The following PAG1 variants were observed in gnomAD, a reference collection of about 807,000 sequenced individuals.
The protein encoded by PAG1 is phosphoprotein membrane anchor with glycosphingolipid microdomains 1.
Under a neutral mutation model 31.7 loss-of-function variants are expected in PAG1, and 23 were observed. The ratio of observed to expected loss-of-function variants is 0.73; its 90% CI spans 0.52 to 1.03. The LOEUF is 1.03. PAG1 is among the 50% of genes least tolerant of loss of function. The pLI is 0.00. For synonymous variants in PAG1, 214 were observed against 210.3 expected (o/e 1.02, Z -0.15); for missense variants, 473 against 540.7 (o/e 0.87, Z 1.24).
At chr8:80,992,194 G>A (rs988497973) in intron 4 of PAG1, among the ~76,000 whole-genome samples, 1 of 152,220 alleles carries the variant, frequency 6.6e-6, no homozygotes, top group Non-Finnish European at 1.5e-5. Context: ...CGGCCTCTTT[G>A]TTCATCTTCC....
chr8:81,087,292 G>C lies in PAG1; in HGVS notation c.-233-17122C>G, dbSNP rs942821187. 2.8e-5 allele frequency among the ~76,000 whole-genome samples: 4 copies of C among 143,846 alleles called. No homozygotes were observed. The East Asian group carries it at 6.1e-4, about 22-fold the overall frequency. 94.4% of individuals were successfully genotyped at this position (143,846 alleles called of 152,430 possible). On this transcript the variant is annotated intron_variant, in intron 1 of 8. Transcript: ENST00000220597. ...CAGGAGGTGGAGGTTGCAGTGAGCC[G>C]AGATCACACCATTGCACTTTAGCCT... is the stretch of plus-strand genomic sequence containing the variant.
chr8:80,991,535 A>C lies in PAG1; in HGVS notation c.126-5T>G, dbSNP rs201435486. The C allele has an allele frequency of 5.6e-6, 9 of 1,610,650 alleles. No homozygotes were observed. The highest frequency in any genetic ancestry group is 7.6e-6 in the Non-Finnish European group (9 of 1,176,940). ...TGCTGTCGCGGCTTCTTTTCCCTGA[A>C]ATGAAAAGTGAAATGTTGTAATGTC... is the stretch of plus-strand genomic sequence containing the variant. On this transcript the variant is annotated splice_polypyrimidine_tract_variant and splice_region_variant and intron_variant, in intron 4 of 8. Coordinates refer to ENST00000220597, the MANE Select transcript of PAG1 (RefSeq NM_018440.4).
chr8:80,987,357 T>C lies in PAG1; in HGVS notation c.274+13A>G. The C allele has an allele frequency of 6.4e-7, 1 of 1,566,876 alleles. No homozygotes were observed. Among genetic ancestry groups the C allele is most frequent in the South Asian group, 1.1e-5 (1 of 90,098 alleles). ...AGGCCTGTGTGGAAAGCTGGTGTTT[T>C]TGCAGAACTTACTGTCCCCATTGGT... On this transcript the variant is annotated intron_variant, in intron 6 of 8. Coordinates refer to ENST00000220597, the MANE Select transcript of PAG1 (RefSeq NM_018440.4).
At chr8:80,998,840 T>C (rs1310104575) in intron 3 of PAG1, among the ~76,000 whole-genome samples, 1 of 152,178 alleles carries the variant, frequency 6.6e-6, no homozygotes, top group Non-Finnish European at 1.5e-5. Context: ...TGACACATAA[T>C]TAAACATGAT....
In PAG1 at chr8:80,985,313, C is replaced by T. The variant is rs375929069; in HGVS notation, c.339G>A (p.Ser113=). The change falls in exon 7 of 9, where the codon TCG becomes TCA. Residue 113 remains serine (S), a synonymous_variant. Coordinates refer to ENST00000220597, the MANE Select transcript of PAG1 (RefSeq NM_018440.4). ...TGCTGTCCTGGGAATCCAGCAGATCCGAGGCCGATGTCTGGACTTCCTCGT... is the reference window on the plus strand; with the variant it reads ...TGCTGTCCTGGGAATCCAGCAGATCTGAGGCCGATGTCTGGACTTCCTCGT... ...QHYEEVQTSA[S]DLLDSQDSTG... The T allele has an allele frequency of 2.6e-5, 42 of 1,614,088 alleles. No homozygotes were observed. The highest frequency in any genetic ancestry group is 1.6e-4 in the Middle Eastern group (1 of 6,062).
chr8:81,042,375 A>G (rs912020994), intron 2 of PAG1, among the ~76,000 whole-genome samples: 3 of 152,326 alleles, frequency 2.0e-5, no homozygotes, highest in African/African-American at 7.2e-5. Context: ...TAGGCATATA[A>G]AAGCTGATTT....
chr8:81,053,564 T>C (rs913871137), intron 2 of PAG1, among the ~76,000 whole-genome samples: 28 of 152,196 alleles, frequency 1.8e-4, no homozygotes, highest in African/African-American at 5.8e-4. Flanking sequence ...TGATCAGCAT[T>C]GGTTACTTAA....
At chr8:81,076,886 T>C (rs564036256) in intron 1 of PAG1, among the ~76,000 whole-genome samples, 65 of 152,344 alleles carry the variant, frequency 4.3e-4, no homozygotes, top group African/African-American at 1.5e-3. Context: ...CAAATATACT[T>C]TTGTAAAGCA....
At chr8:81,027,626 C>T (rs1170301960) in intron 3 of PAG1, among the ~76,000 whole-genome samples, 36 of 152,042 alleles carry the variant, frequency 2.4e-4, no homozygotes, top group Admixed American at 2.0e-3. Flanking sequence ...GGCCAAGAGG[C>T]CGGGCGCGGT....
rs139705819 is a variant in PAG1 at position 81,102,490 on chromosome 8, G to A, written c.-234+9101C>T. ...AATTGAGATTTAGGGATAAGCATTAGCACCAGCATTTTGCTACTTGCTAGA... is the reference window on the plus strand; with the variant it reads ...AATTGAGATTTAGGGATAAGCATTAACACCAGCATTTTGCTACTTGCTAGA... On this transcript the variant is annotated intron_variant, in intron 1 of 8. Transcript: ENST00000220597. Among the ~76,000 whole-genome samples the A allele has an allele frequency of 9.9e-4, 151 of 152,174 alleles. 2 individuals carry two copies. The highest frequency in any genetic ancestry group is 3.5e-3 in the African/African-American group (146 of 41,516).
chr8:81,032,989 T>G (rs901399331), intron 2 of PAG1, among the ~76,000 whole-genome samples: 4 of 152,192 alleles, frequency 2.6e-5, no homozygotes, highest in African/African-American at 9.7e-5. Context: ...TGATCCTGTT[T>G]ATAAGAAATG....
chr8:81,072,010 T>C (rs1284745673), intron 1 of PAG1, among the ~76,000 whole-genome samples: 1 of 152,164 alleles, frequency 6.6e-6, no homozygotes, highest in African/African-American at 2.4e-5. Flanking sequence ...TTAACCAGTA[T>C]AGAAGAGAGA....
intron 2 of PAG1, among the ~76,000 whole-genome samples, chr8:81,056,762 C>G (rs1313604500): frequency 1.3e-5 from 2 of 152,120 alleles, no homozygotes; most frequent in Admixed American, 6.5e-5. Context: ...GCAAAAGAAA[C>G]TACCATCACA....
At chr8:81,033,311 C>T (rs983856265) in intron 2 of PAG1, among the ~76,000 whole-genome samples, 1 of 152,180 alleles carries the variant, frequency 6.6e-6, no homozygotes, top group Non-Finnish European at 1.5e-5. Context: ...ACTATCATGC[C>T]CTGACTGGGA....
intron 2 of PAG1, among the ~76,000 whole-genome samples, chr8:81,056,108 T>C (rs1204103620): frequency 6.6e-6 from 1 of 152,176 alleles, no homozygotes; most frequent in African/African-American, 2.4e-5. Flanking sequence ...CATAAATAGC[T>C]CTTATTATTT....
At chr8:80,991,905 T>C (rs1016383510) in intron 4 of PAG1, among the ~76,000 whole-genome samples, 2 of 151,684 alleles carry the variant, frequency 1.3e-5, no homozygotes, top group Admixed American at 6.6e-5. Flanking sequence ...TCTGAGTCTC[T>C]GCAAAGTCAC....
intron 8 of PAG1, among the ~76,000 whole-genome samples, chr8:80,979,047 T>TTACATAAATACATAACATTACA (rs1475628072): frequency 2.0e-5 from 3 of 152,222 alleles, no homozygotes; most frequent in African/African-American, 4.8e-5. Context: ...CTGTTTAACA[T>TTACATAAATACATAACATTACA]TAAATTACAT....
intron 3 of PAG1, among the ~76,000 whole-genome samples, chr8:81,006,997 G>T (rs537207055): frequency 6.6e-6 from 1 of 152,324 alleles, no homozygotes; most frequent in South Asian, 2.1e-4. Context: ...ACCAAGGAAA[G>T]TCTTCAGGTT....
chr8:81,021,054 C>T (rs191048308), intron 3 of PAG1, among the ~76,000 whole-genome samples: 4 of 152,350 alleles, frequency 2.6e-5, no homozygotes, highest in East Asian at 1.9e-4. Flanking sequence ...CCTCTTGCCC[C>T]GCTAGGGGCA....
Sources: gnomAD v4.1 joint callset for allele counts (sites outside exome capture counted in the v4.1 genomes callset) on GRCh38, gnomAD v4.1.1 for gene constraint, MANE v1.5 for transcripts, NCBI Gene and HGNC (gene_info 2026-07-23, HGNC 2026-07-21) for gene names.